Variants in FGR observed in about 807,000 individuals in gnomAD.
FGR encodes tyrosine-protein kinase Fgr.
A neutral mutation model predicts 63.2 loss-of-function variants in FGR; 26 were observed. The observed-to-expected ratio is 0.41, with a 90% CI of 0.30 to 0.57. The LOEUF (loss-of-function observed/expected upper bound fraction) is 0.57, where lower values mean the gene tolerates loss of function less well. Among genes scored for constraint, FGR ranks in the 20% least tolerant of loss-of-function variants. The pLI is 0.27. For missense variants in FGR, 511 were observed against 690.8 expected, an observed-to-expected ratio of 0.74 and a Z score of 2.92; for synonymous variants, 286 against 277.7, an observed-to-expected ratio of 1.03 and a Z score of -0.30.
At position 27,632,912 on chromosome 1, in the gene FGR, T is replaced by C. The variant is rs557795363; in HGVS notation, c.-77+2153A>G. On this transcript the variant is annotated intron_variant, in intron 1 of 12. Transcript: ENST00000374005. ...AGTCTGCTCTGCGTGGGAAGAGCCC[T>C]GGCCCCTACTTCCCCAGCTCTGGGG... 5.8e-4 allele frequency among the ~76,000 whole-genome samples: 89 copies of C among 152,242 alleles called. 1 individual carries two copies. Among genetic ancestry groups the C allele is most frequent in the African/African-American group, 2.0e-3 (85 of 41,540 alleles).
At position 27,614,690 on chromosome 1, in the gene FGR, G is replaced by C. The variant is rs2089766412; in HGVS notation, c.1096-107C>G. ...GAAAAACCCACTTTCCAGAGGGGGA[G>C]ACTGAGGCCCAGAAAGAGAGGCAGT... is the stretch of plus-strand genomic sequence containing the variant. On this transcript the variant is annotated intron_variant, in intron 10 of 12. Coordinates refer to ENST00000374005, the MANE Select transcript of FGR (RefSeq NM_005248.3). 2.1e-6 allele frequency: 3 copies of C among 1,414,638 alleles called. 1 individual carries two copies. Among genetic ancestry groups the C allele is most frequent in the South Asian group, 2.6e-5 (2 of 77,456 alleles). The allele number at this position is 1,414,638 out of a possible 1,614,324, so 87.6% of individuals were successfully genotyped here.
At chr1:27,614,646 G>A (rs1557726501) in intron 10 of FGR, 63 bp from the exon 11 acceptor site, 2 of 1,577,854 alleles carry the variant, frequency 1.3e-6, no homozygotes, top group Admixed American at 1.7e-5. Flanking sequence ...TGGCCTGTTT[G>A]AGGGGTGAGG....
intron 5 of FGR, among the ~76,000 whole-genome samples, chr1:27,618,248 T>A (rs1299865369): frequency 6.6e-6 from 1 of 152,078 alleles, no homozygotes; most frequent in Non-Finnish European, 1.5e-5. Context: ...CATTGTCAAG[T>A]TTTTTCAAAG....
At chr1:27,621,062 A>G (rs2148527325) in intron 5 of FGR, among the ~76,000 whole-genome samples, 1 of 151,912 alleles carries the variant, frequency 6.6e-6, no homozygotes, top group East Asian at 1.9e-4. Context: ...AAGAAAAAGA[A>G]AAAGAAAAAT....
Position 27,621,590 on chromosome 1 carries a change from C to A in FGR, c.397G>T (p.Val133Leu). The A allele has an allele frequency of 6.2e-7, 1 of 1,613,896 alleles. No individual in the cohort carries two copies. Among genetic ancestry groups the A allele is most frequent in the South Asian group, 1.1e-5 (1 of 91,072 alleles). ...GKTGCIPSNY[V>L]APVDSIQAEE... ...GCTTGGATTGAGTCAACAGGGGCCA[C>A]GTAGTTGCTGGGAATGCAGCCAGTT... Residue 133 changes from valine (V) to leucine (L), a missense_variant, in exon 5 of 13, where the codon GTG (valine) becomes TTG (leucine). Coordinates refer to ENST00000374005, the MANE Select transcript of FGR (RefSeq NM_005248.3).
At chr1:27,632,094 A>T (rs576302418) in intron 1 of FGR, among the ~76,000 whole-genome samples, 1 of 147,436 alleles carries the variant, frequency 6.8e-6, no homozygotes, top group South Asian at 2.2e-4. Flanking sequence ...CCCACTGCTC[A>T]TTAACTCCCT....
At chr1:27,620,696 C>T (rs1242247988) in intron 5 of FGR, among the ~76,000 whole-genome samples, 1 of 150,836 alleles carries the variant, frequency 6.6e-6, no homozygotes, top group African/African-American at 2.4e-5. Context: ...AGTATACTTG[C>T]TCAAGTATAT....
chr1:27,634,508 G>C (rs1223064496), intron 1 of FGR, among the ~76,000 whole-genome samples: 1 of 152,232 alleles, frequency 6.6e-6, no homozygotes, highest in African/African-American at 2.4e-5. Flanking sequence ...ACTTCGGCCG[G>C]CTCGGAAGAG....
At chr1:27,628,556 CAGAT>C (rs1237600184) in intron 1 of FGR, among the ~76,000 whole-genome samples, 1 of 143,534 alleles carries the variant, frequency 7.0e-6, no homozygotes, top group African/African-American at 2.6e-5. Flanking sequence ...CACACACACA[CAGAT>C]ATACACAGCC....
chr1:27,626,413 CT>C, intron 1 of FGR: 1 of 388,802 alleles, frequency 2.6e-6, no homozygotes, highest in African/African-American at 2.1e-5. Flanking sequence ...CAGATATTCT[CT>C]TCCTCTTCTC....
At position 27,614,831 on chromosome 1, in the gene FGR, AG is replaced by A; in HGVS notation, c.1095+18del. ...AATAGGTGGGAGGTCCGGGAGGTAA[AG>A]GCTGCTGGCCCAGTTACCTGGGCTG... is the stretch of plus-strand genomic sequence containing the variant. On this transcript the variant is annotated intron_variant, in intron 10 of 12. Transcript: ENST00000374005. The A allele has an allele frequency of 1.3e-6, 2 of 1,574,494 alleles. No individual in the cohort carries two copies. The highest frequency in any genetic ancestry group is 8.6e-7 in the Non-Finnish European group (1 of 1,156,976).
chr1:27,623,850 C>G lies in FGR; in HGVS notation c.67G>C (p.Gly23Arg), dbSNP rs1228339136. 6.2e-6 allele frequency: 10 copies of G among 1,613,396 alleles called. No individual in the cohort carries two copies. Among genetic ancestry groups the G allele is most frequent in the Non-Finnish European group, 8.5e-6 (10 of 1,179,360 alleles). The change falls in exon 3 of 13, where the codon GGG (glycine) becomes CGG (arginine). Residue 23 changes from glycine (G) to arginine (R), a missense_variant. Gly to Arg is a moderately radical substitution (Grantham distance 125). Coordinates refer to ENST00000374005, the MANE Select transcript of FGR (RefSeq NM_005248.3). ...GCTGCCCCGTAGCTTCTGAAGTCCC[C>G]TTCCAGGCCAGCATCCTCCTTGGCC... ...ATAKEDAGLE[G>R]DFRSYGAADH...
chr1:27,614,673 C>A, intron 10 of FGR, 90 bp from the exon 11 acceptor site: 1 of 1,494,528 alleles, frequency 6.7e-7, no homozygotes, highest in East Asian at 2.3e-5. Context: ...TTGAAAAACC[C>A]ACTTTCCAGA....
intron 1 of FGR, among the ~76,000 whole-genome samples, chr1:27,632,066 A>G (rs1285468210): frequency 1.3e-5 from 2 of 150,782 alleles, no homozygotes; most frequent in Non-Finnish European, 3.0e-5. Flanking sequence ...GCTGAATGCC[A>G]GTGCCTTTGC....
At chr1:27,613,389 G>T (rs754831525) in intron 11 of FGR, 39 bp from the exon 12 acceptor site, 4 of 1,606,780 alleles carry the variant, frequency 2.5e-6, no homozygotes, top group East Asian at 2.2e-5. Flanking sequence ...TAGTGAGGGG[G>T]TCCCTGGAAA....
chr1:27,617,353 T>C lies in FGR; in HGVS notation c.429-57A>G. 1 of 1,226,616 alleles carries C rather than the reference T, an allele frequency of 8.2e-7. No individual in the cohort carries two copies. Among genetic ancestry groups the C allele is most frequent in the South Asian group, 1.2e-5 (1 of 83,126 alleles). 76.0% of individuals were successfully genotyped at this position (1,226,616 alleles called of 1,614,324 possible). On this transcript the variant is annotated intron_variant, in intron 5 of 12. Coordinates refer to ENST00000374005, the MANE Select transcript of FGR (RefSeq NM_005248.3). The surrounding 1 kb of genome is among the most constrained non-coding windows in gnomAD (Gnocchi z 4.5). ...GCTCTGCTCAAACCTCACCTCAGCC[T>C]CCTGCACAGTCACCTCACAAGCCAA...
chr1:27,622,072 G>A (rs535377376), intron 4 of FGR, among the ~76,000 whole-genome samples: 6 of 152,150 alleles, frequency 3.9e-5, no homozygotes, highest in Non-Finnish European at 8.8e-5. Context: ...AGCAGTTTGG[G>A]AGGCCCAGGC....
chr1:27,614,536 G>T lies in FGR; in HGVS notation c.1143C>A (p.Arg381=). The stretch of plus-strand genomic sequence containing the variant: ...CCAGGATGTTGGCTGCCCTCAGGTC[G>T]CGGTGAATGTAGTTCATGCGTTCCA... ...AYMERMNYIH[R]DLRAANILVG... Residue 381 remains arginine (R), a synonymous_variant, in exon 11 of 13, where the codon CGC becomes CGA. Coordinates refer to ENST00000374005, the MANE Select transcript of FGR (RefSeq NM_005248.3). 6.2e-6 allele frequency: 10 copies of T among 1,614,066 alleles called. No homozygotes were observed. Among genetic ancestry groups the T allele is most frequent in the Non-Finnish European group, 8.5e-6 (10 of 1,179,972 alleles).
At chr1:27,623,505 TC>T (rs1206531947) in intron 3 of FGR, 185 bp downstream of exon 3, 1 of 683,734 alleles carries the variant, frequency 1.5e-6, no homozygotes, top group South Asian at 1.6e-5. Flanking sequence ...TTCTTGACCC[TC>T]CCCTGCAGAC....
Sources: allele counts gnomAD v4.1 joint callset (sites outside exome capture counted in the v4.1 genomes callset), GRCh38; gene constraint gnomAD v4.1.1; non-coding constraint Gnocchi (gnomAD v3.1); transcripts MANE v1.5; gene names NCBI Gene and HGNC (gene_info 2026-07-23, HGNC 2026-07-21).